TNIP1: variants seen among roughly 807,000 people sequenced by gnomAD.
TNIP1 encodes the protein TNFAIP3 interacting protein 1.
TNIP1 carries 22 observed loss-of-function variants against 86.6 expected under a neutral mutation model. That is an observed-to-expected ratio of 0.25 (90% CI 0.18 to 0.36). The LOEUF (loss-of-function observed/expected upper bound fraction) is 0.36. TNIP1 is among the 10% of genes least tolerant of loss of function. The probability of loss-of-function intolerance (pLI) is 1.00; values close to 1 mark genes in which losing one functional copy is unlikely to be tolerated. For missense variants in TNIP1, 709 were observed against 820.6 expected, an observed-to-expected ratio of 0.86 and a Z score of 1.66; for synonymous variants, 294 against 313.0, an observed-to-expected ratio of 0.94 and a Z score of 0.64.
intron 1 of TNIP1, among the ~76,000 whole-genome samples, chr5:151,066,565 C>T (rs982473859): frequency 6.6e-6 from 1 of 152,236 alleles, no homozygotes; most frequent in Non-Finnish European, 1.5e-5. Flanking sequence ...AATGAAAGAT[C>T]AGAGTGAGAA....
chr5:151,065,488 A>G (rs1328635302), intron 1 of TNIP1, among the ~76,000 whole-genome samples: 2 of 152,174 alleles, frequency 1.3e-5, no homozygotes, highest in East Asian at 1.9e-4. Flanking sequence ...CAGGAATCCC[A>G]TATGTTTTAC....
Position 151,052,219 on chromosome 5 carries a change from T to C in TNIP1, c.668A>G (p.Lys223Arg), listed in dbSNP as rs1422821887. The C allele has an allele frequency of 6.2e-7, 1 of 1,613,930 alleles. No individual in the cohort carries two copies. Among genetic ancestry groups the C allele is most frequent in the Non-Finnish European group, 8.5e-7 (1 of 1,180,002 alleles). Residue 223 changes from lysine (K) to arginine (R), a missense_variant, in exon 7 of 18, where the codon AAG (lysine) becomes AGG (arginine). By Grantham distance (26) the Lys-to-Arg change is conservative (BLOSUM62 2). Coordinates refer to ENST00000521591, the MANE Select transcript of TNIP1 (RefSeq NM_006058.5). Reference sequence around the variant, plus strand: ...TTCCAGGCCCTTATCCAACTTGGCCTTCAGAGCCTCGTTCTCCTTCCGAAG... The same window carrying C: ...TTCCAGGCCCTTATCCAACTTGGCCCTCAGAGCCTCGTTCTCCTTCCGAAG... The part of the protein sequence containing the change: ...EQLRKENEAL[K>R]AKLDKGLEQR...
Position 151,062,155 on chromosome 5 carries a change from G to T in TNIP1, c.329C>A (p.Pro110Gln), listed in dbSNP as rs1430257066. The change falls in exon 4 of 18, where the codon CCA becomes CAA. Residue 110 changes from proline (P) to glutamine (Q), a missense_variant. Pro to Gln is a moderately conservative substitution (Grantham distance 76). Transcript: ENST00000521591. Reference sequence around the variant, plus strand: ...GGATGGAGGCTTCTGGACTGGTGCTGGCTTGTCACTGGGGCATGCAGGGGC... The same window carrying T: ...GGATGGAGGCTTCTGGACTGGTGCTTGCTTGTCACTGGGGCATGCAGGGGC... The part of the protein sequence containing the change: ...PTAPACPSDK[P>Q]APVQKPPSSG... 1.2e-6 allele frequency: 2 copies of T among 1,614,190 alleles called. No individual in the cohort carries two copies. The highest frequency in any genetic ancestry group is 8.5e-7 in the Non-Finnish European group (1 of 1,180,020).
At position 151,063,517 on chromosome 5, in the gene TNIP1, G is replaced by A. The variant is rs548495191; in HGVS notation, c.271+96C>T. Reference sequence around the variant, plus strand: ...GCCTGTGACCTAAGGATAAACGAGAGAATGTGGGTTTTGGCATAAGAAGGG... The same window carrying A: ...GCCTGTGACCTAAGGATAAACGAGAAAATGTGGGTTTTGGCATAAGAAGGG... On this transcript the variant is annotated intron_variant, in intron 3 of 17. Transcript: ENST00000521591. 1,369 of 1,523,668 alleles carry A rather than the reference G, an allele frequency of 9.0e-4. 7 individuals are homozygous for A. The highest frequency in any genetic ancestry group is 5.0e-4 in the Non-Finnish European group (558 of 1,116,954). The allele number at this position is 1,523,668 out of a possible 1,614,324, so 94.4% of individuals were successfully genotyped here. A position where few individuals can be genotyped will look rare whatever the true frequency, so the allele number is the denominator to read the frequency against.
intron 7 of TNIP1, 100 bp downstream of exon 7, chr5:151,052,065 C>T (rs1759997726): frequency 7.6e-6 from 8 of 1,055,656 alleles, no homozygotes; most frequent in African/African-American, 3.2e-5. Context: ...GGCACAGGGC[C>T]TCAGAGCCAC....
chr5:151,081,189 C>T (rs1271455849), upstream of TNIP1: 3 of 152,172 alleles, frequency 2.0e-5, no homozygotes, highest in Non-Finnish European at 4.4e-5. Flanking sequence ...TCCGGGGGCC[C>T]GCGGTGTCTC....
At chr5:151,054,833 C>T (rs559604821) in intron 6 of TNIP1, among the ~76,000 whole-genome samples, 1 of 152,336 alleles carries the variant, frequency 6.6e-6, no homozygotes, top group Non-Finnish European at 1.5e-5. Flanking sequence ...TGGATCAATA[C>T]ACCTCCACCC....
chr5:151,031,610 A>G (rs1330003684), intron 17 of TNIP1, among the ~76,000 whole-genome samples: 1 of 152,134 alleles, frequency 6.6e-6, no homozygotes, highest in Non-Finnish European at 1.5e-5. Context: ...TATGCTGAGG[A>G]TAAGACCCAG....
At position 151,033,599 on chromosome 5, in the gene TNIP1, C is replaced by T. The variant is rs934926050; in HGVS notation, c.1779+9G>A. ...TGTGCCCTGGAGCAAGGGAGGGACA[C>T]AGACTCACCAGATGGAAGAGGCGCG... On this transcript the variant is annotated intron_variant, in intron 16 of 17. Transcript: ENST00000521591. The T allele has an allele frequency of 3.6e-6, 5 of 1,390,048 alleles. No individual in the cohort carries two copies. Among genetic ancestry groups the T allele is most frequent in the Admixed American group, 5.3e-5 (2 of 37,930 alleles). The allele number at this position is 1,390,048 out of a possible 1,614,324, so 86.1% of individuals were successfully genotyped here. A position where few individuals can be genotyped will look rare whatever the true frequency, so the allele number is the denominator to read the frequency against.
In TNIP1 at chr5:151,042,225, G is replaced by A. The variant is rs922280648; in HGVS notation, c.1134+315C>T. The stretch of plus-strand genomic sequence containing the variant: ...CCAGTTGCTAGGATTGTGAGCCATC[G>A]TGCCCGGCCACCTGCTTAGATCTTT... On this transcript the variant is annotated intron_variant, in intron 11 of 17. Transcript: ENST00000521591. Among the ~76,000 whole-genome samples, 5 of 152,040 alleles carry A rather than the reference G, an allele frequency of 3.3e-5. No individual in the cohort carries two copies. The East Asian group carries it at 5.8e-4, about 18-fold the overall frequency.
chr5:151,038,371 G>A (rs1757974154), intron 12 of TNIP1, among the ~76,000 whole-genome samples: 2 of 152,190 alleles, frequency 1.3e-5, no homozygotes, highest in Non-Finnish European at 2.9e-5. Flanking sequence ...GCTCCCTCCT[G>A]TCAGCTTGCA....
At chr5:151,076,032 A>T (rs1371354042) in intron 1 of TNIP1, among the ~76,000 whole-genome samples, 1 of 152,248 alleles carries the variant, frequency 6.6e-6, no homozygotes, top group East Asian at 1.9e-4. Flanking sequence ...CCTCAGGGTG[A>T]GGTCCCTGGG....
intron 1 of TNIP1, among the ~76,000 whole-genome samples, chr5:151,075,313 ATTTTTCT>A (rs998514798): frequency 5.3e-5 from 8 of 151,916 alleles, no homozygotes; most frequent in African/African-American, 1.9e-4. Context: ...GACTCCTTCA[ATTTTTCT>A]TTTTTCTTTT....
At chr5:151,049,145 T>C (rs943394118) in intron 8 of TNIP1, among the ~76,000 whole-genome samples, 11 of 152,152 alleles carry the variant, frequency 7.2e-5, no homozygotes, top group Non-Finnish European at 1.2e-4. Context: ...AGCCCTACTG[T>C]TCAGCTATTA....
intron 4 of TNIP1, 53 bp downstream of exon 4, chr5:151,062,074 G>A: frequency 8.1e-6 from 12 of 1,488,698 alleles, no homozygotes; most frequent in Non-Finnish European, 1.1e-5. Flanking sequence ...TCTGTCAGTA[G>A]GACTTGAGGT....
upstream of TNIP1, among the ~76,000 whole-genome samples, chr5:151,082,291 T>C (rs1397845776): frequency 6.6e-6 from 1 of 152,218 alleles, no homozygotes; most frequent in Non-Finnish European, 1.5e-5. Flanking sequence ...ATATTCATTC[T>C]AGTTTAATTA....
At chr5:151,075,602 T>C (rs1763298034) in intron 1 of TNIP1, among the ~76,000 whole-genome samples, 1 of 152,268 alleles carries the variant, frequency 6.6e-6, no homozygotes, top group African/African-American at 2.4e-5. Flanking sequence ...TGGTTTTCTG[T>C]TCCTGTGTTA....
At chr5:151,035,475 G>T in intron 14 of TNIP1, 107 bp downstream of exon 14, 1 of 1,515,822 alleles carries the variant, frequency 6.6e-7, no homozygotes, top group Non-Finnish European at 9.0e-7. Context: ...GAGCTGGAGA[G>T]AAGCAGTGAG....
intron 15 of TNIP1, 101 bp downstream of exon 15, chr5:151,034,901 G>T: frequency 7.6e-7 from 1 of 1,319,034 alleles, no homozygotes; most frequent in Non-Finnish European, 1.1e-6. Flanking sequence ...AGTTAGCAGA[G>T]GATGTCCCCA....
Sources: allele counts gnomAD v4.1 joint callset (sites outside exome capture counted in the v4.1 genomes callset), GRCh38; gene constraint gnomAD v4.1.1; transcripts MANE v1.5; gene names NCBI Gene and HGNC (gene_info 2026-07-23, HGNC 2026-07-21).